Variants in THSD7B observed in about 807,000 individuals in gnomAD.
The protein encoded by THSD7B is thrombospondin type-1 domain-containing protein 7B.
A neutral mutation model predicts 213.6 loss-of-function variants in THSD7B; 138 were observed. The observed-to-expected ratio is 0.65, with a 90% CI of 0.56 to 0.74. The LOEUF (loss-of-function observed/expected upper bound fraction) is 0.74, where lower values mean the gene tolerates loss of function less well. THSD7B is among the 30% of genes least tolerant of loss of function. The pLI, the probability that THSD7B is intolerant of heterozygous loss-of-function variation, is 0.00. For synonymous variants in THSD7B, 742 were observed against 687.0 expected, an observed-to-expected ratio of 1.08 and a Z score of -1.25; for missense variants, 1,931 against 1,991.5, an observed-to-expected ratio of 0.97 and a Z score of 0.58.
chr2:137,266,504 A>G (rs543488931), intron 10 of THSD7B, among the ~76,000 whole-genome samples: 4 of 152,208 alleles, frequency 2.6e-5, no homozygotes, highest in Non-Finnish European at 5.9e-5. Flanking sequence ...AGAGGAGGAA[A>G]GAGAACTTCA....
chr2:137,467,217 G>T (rs1688012616), intron 15 of THSD7B, among the ~76,000 whole-genome samples: 1 of 152,192 alleles, frequency 6.6e-6, no homozygotes, highest in South Asian at 2.1e-4. Flanking sequence ...TGACGAACTG[G>T]GATACATGTT....
At chr2:137,122,575 T>C (rs940262842) in intron 5 of THSD7B, among the ~76,000 whole-genome samples, 2 of 152,164 alleles carry the variant, frequency 1.3e-5, no homozygotes, top group African/African-American at 4.8e-5. Context: ...ACTGTGGGTT[T>C]AGGGTAGAGA....
chr2:136,776,640 G>A (rs1681611533), intron 1 of THSD7B, among the ~76,000 whole-genome samples: 1 of 152,150 alleles, frequency 6.6e-6, no homozygotes, highest in Admixed American at 6.6e-5. Flanking sequence ...AACAAGGTTG[G>A]CAAGCATTGA....
At chr2:136,901,100 T>C (rs1341552714) in intron 2 of THSD7B, among the ~76,000 whole-genome samples, 1 of 152,166 alleles carries the variant, frequency 6.6e-6, no homozygotes, top group African/African-American at 2.4e-5. Context: ...ATTGTTTTAA[T>C]AGAAAAACAA....
At chr2:137,602,821 TCAAACC>T (rs1682100759) in intron 17 of THSD7B, among the ~76,000 whole-genome samples, 2 of 152,172 alleles carry the variant, frequency 1.3e-5, no homozygotes, top group African/African-American at 4.8e-5. Flanking sequence ...TGGGATTGTT[TCAAACC>T]CATGAACTTT....
intron 15 of THSD7B, among the ~76,000 whole-genome samples, chr2:137,528,871 A>G (rs906557799): frequency 3.3e-5 from 5 of 152,086 alleles, no homozygotes; most frequent in African/African-American, 1.2e-4. Context: ...ACTGATTGGC[A>G]TGGTATGCAA....
At chr2:137,415,057 A>AG in intron 14 of THSD7B, among the ~76,000 whole-genome samples, 1 of 151,042 alleles carries the variant, frequency 6.6e-6, no homozygotes, top group Non-Finnish European at 1.5e-5. Flanking sequence ...CCCTGTCTCA[A>AG]AAAAAAAAAA....
intron 27 of THSD7B, among the ~76,000 whole-genome samples, chr2:137,668,889 T>G (rs1683504194): frequency 6.6e-6 from 1 of 152,118 alleles, no homozygotes; most frequent in East Asian, 1.9e-4. Context: ...TCATACTGAC[T>G]AGGCTGAGGA....
intron 12 of THSD7B, among the ~76,000 whole-genome samples, chr2:137,310,213 T>G (rs1250623112): frequency 3.3e-5 from 5 of 152,158 alleles, no homozygotes; most frequent in African/African-American, 4.8e-5. Context: ...GTGTGAAATG[T>G]TATCTCACTG....
At chr2:136,875,050 G>A (rs1649546) in intron 1 of THSD7B, among the ~76,000 whole-genome samples, 91,285 of 151,994 alleles carry the variant, frequency 0.6, 29,637 homozygotes, top group Non-Finnish European at 0.74. Flanking sequence ...ACTTTCCAAG[G>A]AATAATTTAA....
chr2:137,586,911 G>A (rs1681744698), intron 17 of THSD7B, among the ~76,000 whole-genome samples: 1 of 152,174 alleles, frequency 6.6e-6, no homozygotes, highest in Non-Finnish European at 1.5e-5. Context: ...AGTTCTCCTG[G>A]AAAATATCCT....
intron 2 of THSD7B, among the ~76,000 whole-genome samples, chr2:136,951,726 A>G (rs745864713): frequency 2.0e-5 from 3 of 152,238 alleles, no homozygotes; most frequent in African/African-American, 4.8e-5. Context: ...CAGATGGAGT[A>G]TCTATCAACA....
intron 2 of THSD7B, among the ~76,000 whole-genome samples, chr2:137,002,676 T>A (rs1171072764): frequency 6.6e-6 from 1 of 152,180 alleles, no homozygotes; most frequent in East Asian, 1.9e-4. Flanking sequence ...TTAAATATCA[T>A]TGTCTGTATC....
Position 137,659,690 on chromosome 2 carries a change from G to C in THSD7B, c.4402G>C (p.Ala1468Pro), listed in dbSNP as rs764046314. 2 of 1,604,084 alleles carry C rather than the reference G, an allele frequency of 1.2e-6. No individual in the cohort carries two copies. The highest frequency in any genetic ancestry group is 1.7e-6 in the Non-Finnish European group (2 of 1,175,082). ...AGGCTGCTCCCCTCAGGCCCGTCCT[G>C]CTGCCATTCGGCAGTGCATTCCAGC... ...TGGCSPQARPAAIRQCIPACR... is the reference protein window; with the variant it reads ...TGGCSPQARPPAIRQCIPACR... Residue 1468 changes from alanine to proline, a missense_variant, in exon 25 of 28, where the codon GCT becomes CCT. By Grantham distance (27) the Ala-to-Pro change is conservative. Coordinates refer to ENST00000409968, the MANE Select transcript of THSD7B (RefSeq NM_001316349.2).
At chr2:136,898,389 A>G (rs1684001282) in intron 2 of THSD7B, among the ~76,000 whole-genome samples, 1 of 152,190 alleles carries the variant, frequency 6.6e-6, no homozygotes, top group South Asian at 2.1e-4. Context: ...GACTGAGTGC[A>G]GTGAACTCCT....
chr2:137,393,124 G>C (rs1468032570), intron 12 of THSD7B, among the ~76,000 whole-genome samples: 1 of 148,050 alleles, frequency 6.8e-6, no homozygotes, highest in Non-Finnish European at 1.5e-5. Context: ...AAAAATTCTT[G>C]GCTGCAGGTT....
chr2:137,661,483 A>G (rs1287303839), intron 25 of THSD7B, among the ~76,000 whole-genome samples: 1 of 151,758 alleles, frequency 6.6e-6, no homozygotes, highest in African/African-American at 2.4e-5. Flanking sequence ...GTAAGCCTAC[A>G]AGCAGAGACG....
chr2:137,629,809 G>C (rs1272211115), intron 20 of THSD7B, among the ~76,000 whole-genome samples: 1 of 152,092 alleles, frequency 6.6e-6, no homozygotes, highest in Non-Finnish European at 1.5e-5. Flanking sequence ...GGGTCTAGTA[G>C]GATAATATTT....
intron 3 of THSD7B, among the ~76,000 whole-genome samples, chr2:137,061,207 T>A (rs1407075750): frequency 7.2e-5 from 11 of 151,860 alleles, no homozygotes; most frequent in African/African-American, 2.7e-4. Context: ...CCTGCAACTT[T>A]GTTATAGTCA....
Sources: gnomAD v4.1 joint callset for allele counts (sites outside exome capture counted in the v4.1 genomes callset) on GRCh38, gnomAD v4.1.1 for gene constraint, MANE v1.5 for transcripts, NCBI Gene and HGNC (gene_info 2026-07-23, HGNC 2026-07-21) for gene names.